NTM: variants seen among roughly 807,000 people sequenced by gnomAD.
NTM encodes the protein neurotrimin.
In NTM, 13 loss-of-function variants were observed where a neutral mutation model predicts 42.1. That is an observed-to-expected ratio of 0.31 (90% confidence interval 0.20 to 0.49). The LOEUF is 0.49. Ranked by LOEUF, NTM falls within the 20% of genes least tolerant of loss-of-function variation. The probability of loss-of-function intolerance (pLI) is 0.99; values close to 1 mark genes in which losing one functional copy is unlikely to be tolerated. For synonymous variants in NTM, 187 were observed against 179.2 expected, an observed-to-expected ratio of 1.04 and a Z score of -0.35; for missense variants, 373 against 452.8, an observed-to-expected ratio of 0.82 and a Z score of 1.60.
At chr11:131,703,420 A>G (rs539377424) in intron 1 of NTM, among the ~76,000 whole-genome samples, 2 of 152,364 alleles carry the variant, frequency 1.3e-5, no homozygotes, top group African/African-American at 4.8e-5. Flanking sequence ...AGGATTTTGG[A>G]AGGAGAAAGT....
intron 4 of NTM, among the ~76,000 whole-genome samples, chr11:132,246,410 A>AG (rs763122377): frequency 5.9e-5 from 9 of 152,322 alleles, no homozygotes; most frequent in Non-Finnish European, 1.3e-4. Flanking sequence ...CCTCCTTTAC[A>AG]GGTAAGGAGC....
intron 2 of NTM, among the ~76,000 whole-genome samples, chr11:131,915,392 C>T (rs2056132603): frequency 6.6e-6 from 1 of 152,206 alleles, no homozygotes; most frequent in South Asian, 2.1e-4. Flanking sequence ...CTGCAGAGCA[C>T]CTCTTGGAAA....
chr11:132,133,160 C>A (rs2067145371), intron 2 of NTM, among the ~76,000 whole-genome samples: 1 of 152,184 alleles, frequency 6.6e-6, no homozygotes, highest in African/African-American at 2.4e-5. Context: ...CCATGTCTCT[C>A]CCAGCACCAT....
intron 1 of NTM, among the ~76,000 whole-genome samples, chr11:131,655,361 G>T (rs1045636489): frequency 3.3e-5 from 5 of 152,186 alleles, no homozygotes; most frequent in African/African-American, 1.2e-4. Context: ...CCAGACACTT[G>T]CTCCATCATC....
intron 7 of NTM, among the ~76,000 whole-genome samples, chr11:132,325,542 A>T (rs11223012): frequency 0.3 from 46,190 of 151,624 alleles, 7,987 homozygotes; most frequent in Non-Finnish European, 0.4. Flanking sequence ...GATGTGGAGA[A>T]ATAGGAACAC....
chr11:131,750,437 T>C (rs540044084), intron 1 of NTM, among the ~76,000 whole-genome samples: 1 of 152,276 alleles, frequency 6.6e-6, no homozygotes, highest in East Asian at 1.9e-4. Context: ...CCATAACAGT[T>C]ACTGGAGCCA....
chr11:132,053,353 T>A (rs2079129637), intron 2 of NTM, among the ~76,000 whole-genome samples: 1 of 152,124 alleles, frequency 6.6e-6, no homozygotes, highest in Admixed American at 6.5e-5. Flanking sequence ...ACTTGTGAGG[T>A]CACCCATAGA....
intron 1 of NTM, among the ~76,000 whole-genome samples, chr11:131,470,481 G>A (rs77062977): frequency 0.01 from 1,523 of 152,228 alleles, 26 homozygotes; most frequent in African/African-American, 0.035. Context: ...AATTAATCTT[G>A]TCTCCTCTAG....
chr11:131,524,909 C>G (rs555753701), intron 1 of NTM, among the ~76,000 whole-genome samples: 1 of 152,164 alleles, frequency 6.6e-6, no homozygotes, highest in Non-Finnish European at 1.5e-5. Context: ...TGAAAGGGGT[C>G]AATAGTTCTT....
At chr11:132,257,894 G>A (rs985709205) in intron 4 of NTM, among the ~76,000 whole-genome samples, 1 of 152,110 alleles carries the variant, frequency 6.6e-6, no homozygotes, top group African/African-American at 2.4e-5. Context: ...ATGAGGGAGG[G>A]GCCTTCGATT....
At chr11:132,192,480 C>T (rs2079469653) in intron 3 of NTM, among the ~76,000 whole-genome samples, 1 of 152,110 alleles carries the variant, frequency 6.6e-6, no homozygotes, top group Non-Finnish European at 1.5e-5. Flanking sequence ...AATTTGTTAC[C>T]ACCAGGCCTA....
intron 1 of NTM, among the ~76,000 whole-genome samples, chr11:131,557,910 G>A (rs895210030): frequency 2.0e-5 from 3 of 152,152 alleles, no homozygotes; most frequent in African/African-American, 7.2e-5. Flanking sequence ...AGCTTTTGAG[G>A]GGTGGTATCT....
intron 1 of NTM, among the ~76,000 whole-genome samples, chr11:131,453,463 A>C (rs1283940635): frequency 6.6e-6 from 1 of 152,156 alleles, no homozygotes. Context: ...CCCTGCATGA[A>C]GAATAGAGAC....
At chr11:132,050,046 G>C (rs1363697844) in intron 2 of NTM, among the ~76,000 whole-genome samples, 2 of 152,136 alleles carry the variant, frequency 1.3e-5, no homozygotes, top group Non-Finnish European at 1.5e-5. Flanking sequence ...TATCCCAAAA[G>C]GCAGTCGGAA....
At chr11:131,524,488 T>C (rs1486456393) in intron 1 of NTM, among the ~76,000 whole-genome samples, 1 of 152,244 alleles carries the variant, frequency 6.6e-6, no homozygotes, top group African/African-American at 2.4e-5. Context: ...CAACTCATAG[T>C]CATCTTTAAT....
intron 2 of NTM, among the ~76,000 whole-genome samples, chr11:132,118,224 A>G (rs1433349570): frequency 1.3e-5 from 2 of 152,158 alleles, no homozygotes; most frequent in Non-Finnish European, 2.9e-5. Context: ...CTATTCTAAA[A>G]CTGAAAGACC....
intron 2 of NTM, among the ~76,000 whole-genome samples, chr11:132,007,488 C>T (rs539083121): frequency 6.6e-6 from 1 of 152,178 alleles, no homozygotes; most frequent in Non-Finnish European, 1.5e-5. Flanking sequence ...GCTATGGACT[C>T]AGTAAACAGC....
intron 2 of NTM, among the ~76,000 whole-genome samples, chr11:132,013,629 AGATAGATCTGATG>A (rs2072732425): frequency 6.6e-6 from 1 of 152,142 alleles, no homozygotes; most frequent in Non-Finnish European, 1.5e-5. Context: ...TATGACTTCA[AGATAGATCTGATG>A]AAGAGTTCAG....
chr11:131,482,146 T>A (rs1331137935), intron 1 of NTM, among the ~76,000 whole-genome samples: 1 of 152,176 alleles, frequency 6.6e-6, no homozygotes. Context: ...GTCAAGCCCT[T>A]TTTCATGTCG....
Sources: gnomAD v4.1 joint callset for allele counts (sites outside exome capture counted in the v4.1 genomes callset) on GRCh38, gnomAD v4.1.1 for gene constraint, MANE v1.5 for transcripts, NCBI Gene and HGNC (gene_info 2026-07-23, HGNC 2026-07-21) for gene names.